Variants in SIL1 observed in about 807,000 individuals in gnomAD.
The protein encoded by SIL1 is SIL1 nucleotide exchange factor.
In SIL1, 40 loss-of-function variants were observed where a neutral mutation model predicts 49.1. That is an observed-to-expected ratio of 0.81 (90% CI 0.63 to 1.06). The LOEUF is 1.06. Among genes scored for constraint, SIL1 ranks in the 50% least tolerant of loss-of-function variants. SIL1 has a pLI of 0.00. For missense variants in SIL1, 500 were observed against 572.6 expected, an observed-to-expected ratio of 0.87 and a Z score of 1.29; for synonymous variants, 253 against 250.8, an observed-to-expected ratio of 1.01 and a Z score of -0.08.
chr5:139,008,758 G>A (rs1768181085), intron 7 of SIL1, among the ~76,000 whole-genome samples: 1 of 151,772 alleles, frequency 6.6e-6, no homozygotes, highest in Non-Finnish European at 1.5e-5. Flanking sequence ...CAGCTTCCAT[G>A]TAGTTGAGCG....
chr5:138,983,156 G>A (rs1433143553), intron 7 of SIL1, among the ~76,000 whole-genome samples: 1 of 121,208 alleles, frequency 8.3e-6, no homozygotes, highest in East Asian at 2.8e-4. Context: ...CCAAGATCAT[G>A]CCACTGCACT....
chr5:138,998,326 C>T (rs1401148566), intron 7 of SIL1, among the ~76,000 whole-genome samples: 3 of 152,122 alleles, frequency 2.0e-5, no homozygotes, highest in African/African-American at 4.8e-5. Context: ...CACCACCACA[C>T]TTGGCAAATT....
chr5:139,067,081 A>G (rs916283192), intron 3 of SIL1, among the ~76,000 whole-genome samples: 3 of 152,230 alleles, frequency 2.0e-5, no homozygotes, highest in Non-Finnish European at 2.9e-5. Flanking sequence ...TCCATTGTGT[A>G]TATGTTCTAA....
At chr5:139,154,294 G>C (rs1751365671) in intron 1 of SIL1, among the ~76,000 whole-genome samples, 1 of 152,196 alleles carries the variant, frequency 6.6e-6, no homozygotes, top group African/African-American at 2.4e-5. Flanking sequence ...TCCTCTTACA[G>C]ATCCAAGTGC....
At chr5:138,953,415 G>A (rs1262442069) in intron 7 of SIL1, 3 of 152,348 alleles carry the variant, frequency 2.0e-5, no homozygotes, top group Non-Finnish European at 4.4e-5. Flanking sequence ...ATTCTGACCA[G>A]GAACAAGCTT....
At position 139,026,848 on chromosome 5, in the gene SIL1, C is replaced by A. The variant is rs768778736; in HGVS notation, c.598G>T (p.Glu200Ter). The change falls in exon 6 of 10, where the codon GAA becomes TAA. Residue 200 changes from glutamate to a stop codon, truncating the protein, a stop_gained. Coordinates refer to ENST00000394817, the MANE Select transcript of SIL1 (RefSeq NM_022464.5). LOFTEE classifies it high-confidence loss of function. Reference protein sequence around the residue: ...NKFNSSSSSLEEKIAALFDLE... With the variant: ...NKFNSSSSSL ...TCAAAGAGCGCAGCAATCTTCTCTT[C>A]CAAACTGGAGCTGGAACTATTGAAC... 2 of 1,614,190 alleles carry A rather than the reference C, an allele frequency of 1.2e-6. No homozygotes were observed. The highest frequency in any genetic ancestry group is 1.7e-6 in the Non-Finnish European group (2 of 1,180,014).
At chr5:139,066,261 C>G (rs1200760875) in intron 3 of SIL1, among the ~76,000 whole-genome samples, 1 of 152,170 alleles carries the variant, frequency 6.6e-6, no homozygotes, top group African/African-American at 2.4e-5. Context: ...CCTTATCGCC[C>G]CTCATCCACA....
At chr5:139,047,287 A>T (rs537840721) in intron 4 of SIL1, among the ~76,000 whole-genome samples, 2 of 152,354 alleles carry the variant, frequency 1.3e-5, no homozygotes, top group East Asian at 3.9e-4. Flanking sequence ...CATAAATAGC[A>T]AGTGGAAACC....
At chr5:139,074,043 A>G (rs1413769577) in intron 3 of SIL1, among the ~76,000 whole-genome samples, 3 of 152,322 alleles carry the variant, frequency 2.0e-5, no homozygotes, top group Non-Finnish European at 2.9e-5. Flanking sequence ...TCATTCCACA[A>G]CATAGCTATA....
intron 2 of SIL1, among the ~76,000 whole-genome samples, chr5:139,125,229 C>T (rs191398781): frequency 6.6e-6 from 1 of 152,222 alleles, no homozygotes; most frequent in African/African-American, 2.4e-5. Flanking sequence ...TCCCAGCTGG[C>T]TTCTCAGGGC....
intron 1 of SIL1, among the ~76,000 whole-genome samples, chr5:139,169,303 G>A (rs1055395166): frequency 2.0e-5 from 3 of 152,236 alleles, no homozygotes; most frequent in South Asian, 2.1e-4. Context: ...CAAAGCCTAT[G>A]ACAATAAAAA....
At chr5:139,155,888 A>G (rs1284914719) in intron 1 of SIL1, among the ~76,000 whole-genome samples, 1 of 151,868 alleles carries the variant, frequency 6.6e-6, no homozygotes, top group Non-Finnish European at 1.5e-5. Context: ...GCTGGAGTGC[A>G]GTGGCGTGAT....
intron 7 of SIL1, among the ~76,000 whole-genome samples, chr5:139,006,514 A>G (rs1159145808): frequency 7.0e-6 from 1 of 142,014 alleles, no homozygotes. Flanking sequence ...TGTTTTGGAC[A>G]TGAAGTCCTT....
intron 3 of SIL1, among the ~76,000 whole-genome samples, chr5:139,083,401 G>T (rs1475591245): frequency 4.7e-5 from 7 of 148,892 alleles, no homozygotes; most frequent in Non-Finnish European, 3.0e-5. Context: ...ATCTCATAGT[G>T]GTTTTGATTT....
chr5:139,036,119 T>G (rs1274177950), intron 5 of SIL1: 1 of 152,244 alleles, frequency 6.6e-6, no homozygotes, highest in Non-Finnish European at 1.5e-5. Context: ...GGTTGTTTAT[T>G]GATAGTTTCT....
At chr5:139,059,762 A>G (rs1561846870) in intron 3 of SIL1, among the ~76,000 whole-genome samples, 1 of 152,204 alleles carries the variant, frequency 6.6e-6, no homozygotes, top group South Asian at 2.1e-4. Flanking sequence ...TTATCTGTAT[A>G]TATTTTTAAA....
chr5:139,143,248 TACATATATAA>T (rs1561878523), intron 1 of SIL1, among the ~76,000 whole-genome samples: 1 of 128,946 alleles, frequency 7.8e-6, no homozygotes, highest in African/African-American at 4.0e-5. Context: ...TATGTATATA[TACATATATAA>T]ACACATATAT....
At chr5:139,031,300 T>A (rs1768787946) in intron 5 of SIL1, among the ~76,000 whole-genome samples, 1 of 151,552 alleles carries the variant, frequency 6.6e-6, no homozygotes, top group Non-Finnish European at 1.5e-5. Context: ...TTGAATTAAT[T>A]TTTTTTAAGG....
chr5:139,148,409 C>T (rs1033909689), intron 1 of SIL1, among the ~76,000 whole-genome samples: 1 of 152,154 alleles, frequency 6.6e-6, no homozygotes. Flanking sequence ...ATAGGGATAC[C>T]AGTGGGACCC....
Sources: allele counts gnomAD v4.1 joint callset (sites outside exome capture counted in the v4.1 genomes callset), GRCh38; gene constraint gnomAD v4.1.1; transcripts MANE v1.5; gene names NCBI Gene and HGNC (gene_info 2026-07-23, HGNC 2026-07-21).